Variants in TBC1D19 observed in about 807,000 individuals in gnomAD.
TBC1D19 encodes the protein TBC1 domain family member 19.
Under a neutral mutation model 89.0 loss-of-function variants are expected in TBC1D19, and 60 were observed. The observed-to-expected ratio is 0.67, with a 90% CI of 0.55 to 0.84. The LOEUF (loss-of-function observed/expected upper bound fraction) is 0.84. Among genes scored for constraint, TBC1D19 ranks in the 40% least tolerant of loss-of-function variants. The pLI, the probability that TBC1D19 is intolerant of heterozygous loss-of-function variation, is 0.00. For synonymous variants in TBC1D19, 189 were observed against 199.7 expected (o/e 0.95, Z 0.45); for missense variants, 500 against 610.8 (o/e 0.82, Z 1.91).
intron 15 of TBC1D19, among the ~76,000 whole-genome samples, chr4:26,733,008 A>G (rs144259034): frequency 1.3e-5 from 2 of 152,336 alleles, no homozygotes; most frequent in Non-Finnish European, 2.9e-5. Context: ...GGCTAATCAT[A>G]TAGAGAGGAA....
In TBC1D19 at chr4:26,620,169, T is replaced by G. The variant is rs1340702225; in HGVS notation, c.219-444T>G. On this transcript the variant is annotated intron_variant, in intron 3 of 20. Transcript: ENST00000264866. ...TCAGAATTCTTGTGCTTGCCATCCCTTTGCCTGGAATATTCTTCCCCCAGA... is the reference window on the plus strand; with the variant it reads ...TCAGAATTCTTGTGCTTGCCATCCCGTTGCCTGGAATATTCTTCCCCCAGA... Among the ~76,000 whole-genome samples, 14 of 152,292 alleles carry G rather than the reference T, an allele frequency of 9.2e-5. No individual in the cohort carries two copies. In the South Asian group the frequency reaches 2.9e-3, roughly 32 times the overall value.
chr4:26,799,944 C>CTT, the TBC1D19 span, among the ~76,000 whole-genome samples: 1 of 129,520 alleles, frequency 7.7e-6, no homozygotes, highest in African/African-American at 2.5e-5. Flanking sequence ...ACAGAGAATT[C>CTT]TTTTTTTTAA....
At chr4:26,694,190 C>T (rs1270148892) in intron 13 of TBC1D19, among the ~76,000 whole-genome samples, 1 of 152,124 alleles carries the variant, frequency 6.6e-6, no homozygotes, top group Non-Finnish European at 1.5e-5. Context: ...AATCGGGTCA[C>T]TCCCACCCTA....
chr4:26,782,486 G>A, the TBC1D19 span, among the ~76,000 whole-genome samples: 57 of 152,274 alleles, frequency 3.7e-4, no homozygotes, highest in Non-Finnish European at 6.3e-4. Context: ...CAGTCACGGG[G>A]CTTGAAAGTT....
chr4:26,682,332 T>C (rs1441667797), intron 11 of TBC1D19, among the ~76,000 whole-genome samples: 2 of 152,238 alleles, frequency 1.3e-5, no homozygotes, highest in Non-Finnish European at 2.9e-5. Context: ...ATTAAGGCTT[T>C]TTAATTAAAA....
At chr4:26,620,977 A>G (rs1162711237) in intron 4 of TBC1D19, among the ~76,000 whole-genome samples, 1 of 152,336 alleles carries the variant, frequency 6.6e-6, no homozygotes. Context: ...GTGGCAATCT[A>G]TTCTTCATGG....
chr4:26,810,623 T>A, the TBC1D19 span, among the ~76,000 whole-genome samples: 3 of 152,132 alleles, frequency 2.0e-5, no homozygotes, highest in Non-Finnish European at 1.5e-5. Context: ...CTGTTCTCCG[T>A]GCCAACAGCA....
chr4:26,758,677 G>A (rs1465340358), downstream of TBC1D19, among the ~76,000 whole-genome samples: 3 of 152,180 alleles, frequency 2.0e-5, no homozygotes, highest in South Asian at 4.1e-4. Context: ...AGAAGGAAAA[G>A]CTGCTCTTTT....
Position 26,637,223 on chromosome 4 carries a change from A to C in TBC1D19, c.307A>C (p.Lys103Gln). Residue 103 changes from lysine (K) to glutamine (Q), a missense_variant, in exon 5 of 21, where the codon AAA becomes CAA. Coordinates refer to ENST00000264866, the MANE Select transcript of TBC1D19 (RefSeq NM_018317.4). ...YMRKAQGSWE[K>Q]RILKSLNSMC... Reference sequence around the variant, plus strand: ...TTTTATGTTTCAGGGAAGTTGGGAAAAAAGAATTTTGAAGAGTTTAAATAG... The same window carrying C: ...TTTTATGTTTCAGGGAAGTTGGGAACAAAGAATTTTGAAGAGTTTAAATAG... The C allele has an allele frequency of 1.2e-6, 2 of 1,607,630 alleles. No homozygotes were observed. Among genetic ancestry groups the C allele is most frequent in the Non-Finnish European group, 1.7e-6 (2 of 1,176,642 alleles).
intron 13 of TBC1D19, among the ~76,000 whole-genome samples, chr4:26,694,045 T>C (rs1197995375): frequency 2.6e-5 from 4 of 151,846 alleles, no homozygotes; most frequent in African/African-American, 4.8e-5. Flanking sequence ...CGTCGAACAG[T>C]GGAGGCAGGA....
At chr4:26,699,702 T>TGA (rs1036943242) in intron 13 of TBC1D19, among the ~76,000 whole-genome samples, 1 of 152,184 alleles carries the variant, frequency 6.6e-6, no homozygotes, top group Non-Finnish European at 1.5e-5. Context: ...GATGAGTTCA[T>TGA]GTCCTTTGTA....
chr4:26,777,525 G>A, the TBC1D19 span, among the ~76,000 whole-genome samples: 6 of 151,996 alleles, frequency 3.9e-5, no homozygotes, highest in Admixed American at 6.6e-5. Context: ...TGTAACCTCC[G>A]CCTCCTGGAT....
rs550219013 is a variant in TBC1D19, at chr4:26,729,262, G to A, written c.1085-6193G>A. On this transcript the variant is annotated intron_variant, in intron 15 of 20. Transcript: ENST00000264866. ...TGTGTTAAGCCCACAATTGAACTTT[G>A]ATCTCCTAACTAGAGACCAATACTT... Among the ~76,000 whole-genome samples, 3 of 152,274 alleles carry A rather than the reference G, an allele frequency of 2.0e-5. No homozygotes were observed. The East Asian group carries it at 5.8e-4, about 29-fold the overall frequency.
At chr4:26,656,987 TCTTCTC>T (rs1553904801) in intron 7 of TBC1D19, among the ~76,000 whole-genome samples, 35 of 17,818 alleles carry the variant, frequency 2.0e-3, no homozygotes, top group African/African-American at 5.2e-3. Context: ...TTCTTCTTCT[TCTTCTC>T]CTTCTCCTTC....
intron 4 of TBC1D19, among the ~76,000 whole-genome samples, chr4:26,626,826 T>TA (rs397753124): frequency 2.0e-5 from 3 of 149,420 alleles, no homozygotes; most frequent in African/African-American, 7.3e-5. Flanking sequence ...TTCTTTTTTT[T>TA]ATTTTTATTT....
chr4:26,649,740 T>C (rs543545645), intron 7 of TBC1D19, among the ~76,000 whole-genome samples: 66 of 152,174 alleles, frequency 4.3e-4, no homozygotes, highest in Non-Finnish European at 3.2e-4. Context: ...ACTTTAAGTT[T>C]TAGGGTACAT....
chr4:26,757,902 G>A (rs1212584851), downstream of TBC1D19, among the ~76,000 whole-genome samples: 1 of 152,174 alleles, frequency 6.6e-6, no homozygotes, highest in Non-Finnish European at 1.5e-5. Flanking sequence ...AAGGATAAAA[G>A]CTGGGCTCTG....
At chr4:26,591,954 T>C (rs1345052695) in intron 1 of TBC1D19, among the ~76,000 whole-genome samples, 1 of 152,006 alleles carries the variant, frequency 6.6e-6, no homozygotes, top group Non-Finnish European at 1.5e-5. Context: ...TTCCAATCAA[T>C]AGAAAAAGAG....
rs1165788446 is a variant in TBC1D19 at position 26,607,942 on chromosome 4, TG to T, written c.100-5223del. Among the ~76,000 whole-genome samples the T allele has an allele frequency of 2.6e-5, 4 of 152,334 alleles. No individual in the cohort carries two copies. The East Asian group carries it at 7.7e-4, about 29-fold the overall frequency. On this transcript the variant is annotated intron_variant, in intron 1 of 20. Transcript: ENST00000264866. ...CTTAATGCAGTGGGTATGCTGTGTT[TG>T]GGGTTGATTGGGCAGGCAAAGCACA...
Sources: allele counts gnomAD v4.1 joint callset (sites outside exome capture counted in the v4.1 genomes callset), GRCh38; gene constraint gnomAD v4.1.1; transcripts MANE v1.5; gene names NCBI Gene and HGNC (gene_info 2026-07-23, HGNC 2026-07-21).